The following STK3 variants were observed in gnomAD, a reference collection of about 807,000 sequenced individuals.
STK3 encodes serine/threonine-protein kinase 3.
STK3 carries 41 observed loss-of-function variants against 58.0 expected under a neutral mutation model. That is an observed-to-expected ratio of 0.71 (90% CI 0.55 to 0.92). The LOEUF is 0.92. STK3 is among the 40% of genes least tolerant of loss of function. The pLI is 0.00. For missense variants in STK3, 479 were observed against 602.7 expected (o/e 0.79, Z 2.15); for synonymous variants, 170 against 191.0 (o/e 0.89, Z 0.91).
At chr8:98,384,721 A>T (rs1219870929) in intron 1 of STK3, among the ~76,000 whole-genome samples, 1 of 152,154 alleles carries the variant, frequency 6.6e-6, no homozygotes, top group African/African-American at 2.4e-5. Context: ...TCCTCCCAGA[A>T]TCAGGGTGCC....
chr8:98,829,927 A>T (rs1410153031), upstream of STK3, among the ~76,000 whole-genome samples: 1 of 152,196 alleles, frequency 6.6e-6, no homozygotes, highest in African/African-American at 2.4e-5. Context: ...AAAAGGGAAT[A>T]TAAAGTGGAG....
intron 6 of STK3, among the ~76,000 whole-genome samples, chr8:98,694,876 T>C (rs1388514019): frequency 1.3e-5 from 2 of 152,232 alleles, no homozygotes; most frequent in South Asian, 2.1e-4. Flanking sequence ...AGTAATGGGA[T>C]GGCTGGGTCA....
intron 10 of STK3, among the ~76,000 whole-genome samples, chr8:98,499,954 G>A (rs995045439): frequency 1.3e-5 from 2 of 152,128 alleles, no homozygotes; most frequent in African/African-American, 4.8e-5. Flanking sequence ...GGAGACAAGA[G>A]GGCAGACTGT....
chr8:98,903,542 T>TTCTTCTTCC (rs1838751153), intron 1 of STK3, among the ~76,000 whole-genome samples: 5 of 25,728 alleles, frequency 1.9e-4, no homozygotes, highest in Non-Finnish European at 2.5e-4. Flanking sequence ...CTTCTTCTTC[T>TTCTTCTTCC]TCTTCTTCTT....
At chr8:98,517,220 G>A (rs1563691008) in intron 10 of STK3, among the ~76,000 whole-genome samples, 1 of 151,924 alleles carries the variant, frequency 6.6e-6, no homozygotes, top group East Asian at 1.9e-4. Flanking sequence ...GTTCTGGAAA[G>A]GTGTTTCAAC....
chr8:98,689,234 C>G (rs575950201), intron 6 of STK3, among the ~76,000 whole-genome samples: 1 of 152,000 alleles, frequency 6.6e-6, no homozygotes, highest in South Asian at 2.1e-4. Flanking sequence ...AACAGACCAA[C>G]AAGTAACAAG....
intron 1 of STK3, among the ~76,000 whole-genome samples, chr8:98,785,165 G>A (rs1463047495): frequency 6.6e-6 from 1 of 151,992 alleles, no homozygotes; most frequent in Non-Finnish European, 1.5e-5. Flanking sequence ...AGAGATCTGG[G>A]TACAGGCAGG....
chr8:98,616,951 A>G (rs1817785903), intron 6 of STK3, among the ~76,000 whole-genome samples: 1 of 152,206 alleles, frequency 6.6e-6, no homozygotes, highest in Admixed American at 6.5e-5. Flanking sequence ...TCATCTCCGC[A>G]CCAAGCGGAC....
At chr8:98,731,396 CA>C (rs1230619488) in intron 4 of STK3, among the ~76,000 whole-genome samples, 1 of 151,034 alleles carries the variant, frequency 6.6e-6, no homozygotes, top group Non-Finnish European at 1.5e-5. Context: ...ATCCCCAGAT[CA>C]AAAAAAAGGG....
intron 8 of STK3, among the ~76,000 whole-genome samples, chr8:98,576,885 A>G (rs1813441063): frequency 6.6e-6 from 1 of 152,228 alleles, no homozygotes; most frequent in African/African-American, 2.4e-5. Flanking sequence ...GGTCAAAATG[A>G]AAACTACAAT....
At chr8:98,856,891 T>A (rs968753083) in intron 3 of STK3, among the ~76,000 whole-genome samples, 2 of 152,170 alleles carry the variant, frequency 1.3e-5, no homozygotes, top group South Asian at 4.1e-4. Flanking sequence ...AACAAAGTAC[T>A]GATATACTGC....
chr8:98,809,750 G>A (rs1028956673), intron 1 of STK3, among the ~76,000 whole-genome samples: 4 of 152,172 alleles, frequency 2.6e-5, no homozygotes, highest in Non-Finnish European at 4.4e-5. Context: ...TGGTGGACAC[G>A]TGAGTTGCTT....
chr8:98,552,458 T>G (rs1811245214), intron 8 of STK3, among the ~76,000 whole-genome samples: 1 of 152,124 alleles, frequency 6.6e-6, no homozygotes, highest in South Asian at 2.1e-4. Context: ...ACATTCCTTC[T>G]TGCTCACCAA....
intron 6 of STK3, among the ~76,000 whole-genome samples, chr8:98,603,626 T>C (rs1816535198): frequency 6.6e-6 from 1 of 152,202 alleles, no homozygotes; most frequent in South Asian, 2.1e-4. Context: ...AGTATCAACA[T>C]ATTGCACCCT....
rs765412014 is a variant in STK3, at chr8:98,825,550, G to A, written c.-10C>T. On this transcript the variant is annotated 5_prime_UTR_variant, in exon 1 of 11. Transcript: ENST00000419617. ...CCGGCGGCTGCTCCATGGCGGCCGG[G>A]GACAGAGAGAGGGACCTGGTGGACG... 2 of 1,456,794 alleles carry A rather than the reference G, an allele frequency of 1.4e-6. No homozygotes were observed. The highest frequency in any genetic ancestry group is 1.8e-6 in the Non-Finnish European group (2 of 1,099,300). 90.2% of individuals were successfully genotyped at this position (1,456,794 alleles called of 1,614,324 possible). A position where few individuals can be genotyped will look rare whatever the true frequency, so the allele number is the denominator to read the frequency against.
chr8:98,734,301 C>T (rs1016936511), intron 4 of STK3, among the ~76,000 whole-genome samples: 1 of 152,188 alleles, frequency 6.6e-6, no homozygotes, highest in African/African-American at 2.4e-5. Flanking sequence ...TATTACTTAA[C>T]AGATGAGGAC....
chr8:98,479,737 AC>A, intron 10 of STK3, among the ~76,000 whole-genome samples: 1 of 152,192 alleles, frequency 6.6e-6, no homozygotes, highest in Admixed American at 6.5e-5. Context: ...AATGCAATCC[AC>A]CCCCAATGGA....
chr8:98,853,662 C>T (rs1341817739), intron 3 of STK3, among the ~76,000 whole-genome samples: 1 of 152,210 alleles, frequency 6.6e-6, no homozygotes, highest in Admixed American at 6.5e-5. Context: ...CTCCACAATG[C>T]TAGTGCTGAT....
chr8:98,584,570 T>C (rs1401771432), intron 7 of STK3, among the ~76,000 whole-genome samples: 1 of 151,004 alleles, frequency 6.6e-6, no homozygotes, highest in Non-Finnish European at 1.5e-5. Flanking sequence ...CGTGTGCATG[T>C]GTCTTTATAG....
Sources: gnomAD v4.1 joint callset for allele counts (sites outside exome capture counted in the v4.1 genomes callset) on GRCh38, gnomAD v4.1.1 for gene constraint, MANE v1.5 for transcripts, NCBI Gene and HGNC (gene_info 2026-07-23, HGNC 2026-07-21) for gene names.